The following NKAIN2 variants were observed in gnomAD, a reference collection of about 807,000 sequenced individuals.
NKAIN2 encodes the protein sodium/potassium transporting ATPase interacting 2.
Under a neutral mutation model 32.6 loss-of-function variants are expected in NKAIN2, and 14 were observed. That is an observed-to-expected ratio of 0.43 (90% confidence interval 0.28 to 0.67). NKAIN2 has a LOEUF of 0.67. NKAIN2 is among the 30% of genes least tolerant of loss of function. The probability of loss-of-function intolerance (pLI) is 0.17; values close to 1 mark genes in which losing one functional copy is unlikely to be tolerated. For missense variants in NKAIN2, 198 were observed against 258.3 expected (o/e 0.77, Z 1.60); for synonymous variants, 80 against 87.2 (o/e 0.92, Z 0.46).
intron 4 of NKAIN2, among the ~76,000 whole-genome samples, chr6:124,699,404 C>G (rs1393645421): frequency 6.6e-6 from 1 of 152,144 alleles, no homozygotes; most frequent in Non-Finnish European, 1.5e-5. Flanking sequence ...GCTGCAAGGC[C>G]TTTATGAACC....
chr6:124,759,660 C>G (rs989239137), intron 4 of NKAIN2, among the ~76,000 whole-genome samples: 1 of 141,958 alleles, frequency 7.0e-6, no homozygotes, highest in Non-Finnish European at 1.5e-5. Flanking sequence ...CACACACCCC[C>G]TATCTCCCTT....
At chr6:124,537,079 G>A (rs1444908930) in intron 3 of NKAIN2, among the ~76,000 whole-genome samples, 1 of 152,156 alleles carries the variant, frequency 6.6e-6, no homozygotes, top group Non-Finnish European at 1.5e-5. Flanking sequence ...GGGGCAAAAA[G>A]CCAGTAGGTG....
intron 3 of NKAIN2, among the ~76,000 whole-genome samples, chr6:124,393,645 T>C (rs73578417): frequency 0.042 from 6,403 of 152,200 alleles, 423 homozygotes; most frequent in African/African-American, 0.15. Context: ...CTGGTACAGA[T>C]GGTGAGGAGC....
chr6:124,124,584 A>G (rs1786066483), intron 1 of NKAIN2, among the ~76,000 whole-genome samples: 1 of 152,216 alleles, frequency 6.6e-6, no homozygotes, highest in African/African-American at 2.4e-5. Flanking sequence ...TGAATTTTGA[A>G]AGATGTCTCC....
intron 3 of NKAIN2, among the ~76,000 whole-genome samples, chr6:124,359,649 C>T (rs535996514): frequency 1.6e-4 from 25 of 151,960 alleles, no homozygotes; most frequent in African/African-American, 4.6e-4. Context: ...CTGAAGTTGC[C>T]TATCAGCTTA....
chr6:124,026,904 A>G (rs1781137440), intron 1 of NKAIN2, among the ~76,000 whole-genome samples: 1 of 152,064 alleles, frequency 6.6e-6, no homozygotes, highest in African/African-American at 2.4e-5. Context: ...ATTGTGGTCT[A>G]GTGTGTGTCT....
chr6:124,739,787 T>A (rs1443218114), intron 4 of NKAIN2, among the ~76,000 whole-genome samples: 3 of 151,894 alleles, frequency 2.0e-5, no homozygotes, highest in African/African-American at 4.8e-5. Context: ...CACTTCATGA[T>A]TCAAAAACAG....
intron 4 of NKAIN2, among the ~76,000 whole-genome samples, chr6:124,686,401 T>C (rs1451835459): frequency 1.3e-5 from 2 of 152,050 alleles, no homozygotes; most frequent in South Asian, 2.1e-4. Flanking sequence ...AGGAAACTTA[T>C]GATCATGGCA....
At chr6:124,221,789 T>A (rs73770367) in intron 1 of NKAIN2, among the ~76,000 whole-genome samples, 3,397 of 152,132 alleles carry the variant, frequency 0.022, 119 homozygotes, top group African/African-American at 0.078. Context: ...GAGGAAGAAT[T>A]TGTTTTGAAA....
chr6:124,168,445 T>C (rs1408279231), intron 1 of NKAIN2, among the ~76,000 whole-genome samples: 1 of 152,160 alleles, frequency 6.6e-6, no homozygotes, highest in Non-Finnish European at 1.5e-5. Flanking sequence ...TTCTTGTCTA[T>C]ACATGGAATA....
At chr6:124,821,517 G>A (rs1409065716) in intron 6 of NKAIN2, among the ~76,000 whole-genome samples, 2 of 151,808 alleles carry the variant, frequency 1.3e-5, no homozygotes, top group Non-Finnish European at 2.9e-5. Context: ...TAATTCTAAT[G>A]GGCTTTAAAG....
At chr6:124,205,806 TG>T (rs1304922930) in intron 1 of NKAIN2, among the ~76,000 whole-genome samples, 2 of 151,918 alleles carry the variant, frequency 1.3e-5, no homozygotes, top group East Asian at 3.9e-4. Flanking sequence ...AGTCCATGTT[TG>T]TTCCACAAAT....
At chr6:124,570,806 T>G (rs1447243219) in intron 3 of NKAIN2, among the ~76,000 whole-genome samples, 1 of 152,094 alleles carries the variant, frequency 6.6e-6, no homozygotes, top group Non-Finnish European at 1.5e-5. Context: ...ATTGGAACTG[T>G]GAGAAGAGGG....
At chr6:124,160,562 A>T (rs1788221462) in intron 1 of NKAIN2, among the ~76,000 whole-genome samples, 1 of 152,178 alleles carries the variant, frequency 6.6e-6, no homozygotes, top group Non-Finnish European at 1.5e-5. Flanking sequence ...TTTTGCATAT[A>T]TTCAGCTACT....
At chr6:124,755,605 C>A (rs542116309) in intron 4 of NKAIN2, among the ~76,000 whole-genome samples, 1 of 152,240 alleles carries the variant, frequency 6.6e-6, no homozygotes, top group African/African-American at 2.4e-5. Context: ...TAAACTAACA[C>A]AGGAACAGCA....
chr6:124,528,251 A>G (rs991618705), intron 3 of NKAIN2, among the ~76,000 whole-genome samples: 4 of 152,240 alleles, frequency 2.6e-5, no homozygotes, highest in African/African-American at 9.6e-5. Flanking sequence ...AATGAGAATC[A>G]AAGGAATCTA....
At chr6:124,790,584 CT>C (rs1208246639) in intron 4 of NKAIN2, among the ~76,000 whole-genome samples, 4 of 151,974 alleles carry the variant, frequency 2.6e-5, no homozygotes, top group Non-Finnish European at 5.9e-5. Context: ...ATATTTGTTT[CT>C]TTTGACTAGC....
intron 3 of NKAIN2, among the ~76,000 whole-genome samples, chr6:124,465,968 GA>G (rs989343256): frequency 1.3e-5 from 2 of 151,742 alleles, no homozygotes; most frequent in Admixed American, 1.3e-4. Context: ...TCCACTTTAG[GA>G]AAAAATATAT....
intron 1 of NKAIN2, among the ~76,000 whole-genome samples, chr6:124,090,241 C>T (rs1296719991): frequency 3.9e-5 from 6 of 151,990 alleles, no homozygotes; most frequent in Non-Finnish European, 7.4e-5. Context: ...CTCTTCTGTA[C>T]ATAACCTATT....
Sources: gnomAD v4.1 joint callset for allele counts (sites outside exome capture counted in the v4.1 genomes callset) on GRCh38, gnomAD v4.1.1 for gene constraint, MANE v1.5 for transcripts, NCBI Gene and HGNC (gene_info 2026-07-23, HGNC 2026-07-21) for gene names.